The following JAK2 variants were observed in gnomAD, a reference collection of about 807,000 sequenced individuals.
JAK2 encodes tyrosine-protein kinase JAK2.
JAK2 carries 86 observed loss-of-function variants against 139.3 expected under a neutral mutation model. The ratio of observed to expected loss-of-function variants is 0.62; its 90% confidence interval spans 0.52 to 0.74. The LOEUF is 0.74. Among genes scored for constraint, JAK2 ranks in the 30% least tolerant of loss-of-function variants. The pLI is 0.00. For missense variants in JAK2, 1,421 were observed against 1,360.3 expected (o/e 1.04, Z -0.70); for synonymous variants, 490 against 437.7 (o/e 1.12, Z -1.49).
At chr9:4,990,146 G>A (rs1431885691) in intron 2 of JAK2, among the ~76,000 whole-genome samples, 2 of 152,136 alleles carry the variant, frequency 1.3e-5, no homozygotes, top group African/African-American at 4.8e-5. Flanking sequence ...GAGAATGGAG[G>A]GGAGAAGAGT....
rs1392154336 is a variant in JAK2 at position 5,054,299 on chromosome 9, A to T, written c.615-264A>T. 6.6e-6 allele frequency among the ~76,000 whole-genome samples: 1 copy of T among 152,074 alleles called. No homozygotes were observed. The highest frequency in any genetic ancestry group is 6.6e-5 in the Admixed American group (1 of 15,252). On this transcript the variant is annotated intron_variant, in intron 6 of 24. Coordinates refer to ENST00000381652, the MANE Select transcript of JAK2 (RefSeq NM_004972.4). This position sits in a 1 kb window ranked among gnomAD's most constrained non-coding sequence, Gnocchi z 4.9. ...TTCTTATTAACTAGACTGAGGATTC[A>T]TTTCATTAGGGGAAGAAGATTAACA...
intron 22 of JAK2, chr9:5,091,454 T>C (rs1043350841): frequency 1.3e-5 from 2 of 152,384 alleles, no homozygotes; most frequent in Admixed American, 6.5e-5. Context: ...TTTAATAGCA[T>C]AGGGAGTTGA....
intron 2 of JAK2, among the ~76,000 whole-genome samples, chr9:4,986,797 G>T (rs989593225): frequency 1.3e-5 from 2 of 152,098 alleles, no homozygotes; most frequent in African/African-American, 4.8e-5. Flanking sequence ...TATTCACACA[G>T]CCACTAAGTC....
At chr9:5,024,963 G>A (rs376675774) in intron 3 of JAK2, among the ~76,000 whole-genome samples, 1 of 152,170 alleles carries the variant, frequency 6.6e-6, no homozygotes, top group African/African-American at 2.4e-5. Context: ...GAGTGGAGCC[G>A]GGGCTGGTGG....
chr9:5,066,091 A>G (rs959397547), intron 9 of JAK2, among the ~76,000 whole-genome samples: 19 of 152,154 alleles, frequency 1.2e-4, no homozygotes, highest in African/African-American at 3.4e-4. Context: ...TTTGTATATT[A>G]GAAATATGGT....
intron 2 of JAK2, among the ~76,000 whole-genome samples, chr9:5,014,393 C>T (rs540986239): frequency 6.6e-6 from 1 of 152,266 alleles, no homozygotes; most frequent in East Asian, 1.9e-4. Flanking sequence ...ATTTATTCAA[C>T]AACTTTCATG....
chr9:5,069,124 C>A lies in JAK2; in HGVS notation c.1429C>A (p.Leu477Ile). ...TKKNFSSLKDLLNCYQMETVR... is the reference protein window; with the variant it reads ...TKKNFSSLKDILNCYQMETVR... ...GAAGAACTTCAGCAGTCTTAAAGAT[C>A]TTTTGAATTGTTACCAGATGGAAAC... is the stretch of plus-strand genomic sequence containing the variant. The change falls in exon 11 of 25, where the codon CTT becomes ATT. Residue 477 changes from leucine (L) to isoleucine (I), a missense_variant. Physicochemically the swap from Leu to Ile is conservative, Grantham distance 5 (BLOSUM62 2). Transcript: ENST00000381652. 6.2e-7 allele frequency: 1 copy of A among 1,612,936 alleles called. No individual in the cohort carries two copies. Among genetic ancestry groups the A allele is most frequent in the Non-Finnish European group, 8.5e-7 (1 of 1,179,216 alleles).
intron 19 of JAK2, among the ~76,000 whole-genome samples, chr9:5,087,341 T>C (rs1563990853): frequency 6.6e-6 from 1 of 152,170 alleles, no homozygotes. Flanking sequence ...ATGAGAACTA[T>C]CACGAGAACA....
intron 22 of JAK2, among the ~76,000 whole-genome samples, chr9:5,104,371 T>C (rs969462422): frequency 6.6e-6 from 1 of 152,158 alleles, no homozygotes; most frequent in Non-Finnish European, 1.5e-5. Flanking sequence ...CAGGAAGAAG[T>C]TGAATCTCTG....
intron 19 of JAK2, chr9:5,086,123 C>T (rs1394404730): frequency 2.2e-5 from 9 of 412,608 alleles, no homozygotes; most frequent in South Asian, 1.1e-4. Flanking sequence ...TCGGCAGCGG[C>T]GCGCGGCCCC....
At chr9:5,087,035 G>GA (rs1203125520) in intron 19 of JAK2, among the ~76,000 whole-genome samples, 1 of 151,886 alleles carries the variant, frequency 6.6e-6, no homozygotes, top group Non-Finnish European at 1.5e-5. Flanking sequence ...AACACTAAAA[G>GA]AAAAAAATCA....
intron 3 of JAK2, among the ~76,000 whole-genome samples, chr9:5,024,509 G>C (rs981882500): frequency 2.6e-5 from 4 of 152,022 alleles, no homozygotes; most frequent in African/African-American, 4.8e-5. Flanking sequence ...AGAACAGCTT[G>C]AGGTGAAAGC....
intron 2 of JAK2, among the ~76,000 whole-genome samples, chr9:5,015,068 C>G (rs192879467): frequency 6.6e-6 from 1 of 152,218 alleles, no homozygotes; most frequent in African/African-American, 2.4e-5. Flanking sequence ...GCTTTTGCAA[C>G]ATTGTATTTT....
chr9:5,072,424 G>C, intron 12 of JAK2, 68 bp from the exon 13 acceptor site: 2 of 1,186,556 alleles, frequency 1.7e-6, no homozygotes, highest in Non-Finnish European at 2.3e-6. Context: ...CTCATTGAAT[G>C]TATTTTCTTG....
At chr9:5,073,151 C>T (rs1030930931) in intron 13 of JAK2, among the ~76,000 whole-genome samples, 1 of 152,158 alleles carries the variant, frequency 6.6e-6, no homozygotes, top group Non-Finnish European at 1.5e-5. Context: ...GTGAAAAGTT[C>T]AAGCCAAAGA....
intron 4 of JAK2, among the ~76,000 whole-genome samples, chr9:5,034,018 T>C (rs1345298903): frequency 1.3e-5 from 2 of 151,936 alleles, no homozygotes; most frequent in Non-Finnish European, 2.9e-5. Flanking sequence ...GAGACACACA[T>C]AGGCTCAAAA....
intron 19 of JAK2, among the ~76,000 whole-genome samples, chr9:5,087,016 C>CT (rs1820170998): frequency 6.6e-6 from 1 of 152,070 alleles, no homozygotes; most frequent in Non-Finnish European, 1.5e-5. Flanking sequence ...ATTGTGCTTC[C>CT]ATCCCTCAAA....
At chr9:5,101,710 T>C (rs182810516) in intron 22 of JAK2, among the ~76,000 whole-genome samples, 58 of 152,342 alleles carry the variant, frequency 3.8e-4, no homozygotes, top group Admixed American at 1.4e-3. Flanking sequence ...TTGGCTGTTC[T>C]GCAATATTTG....
chr9:5,049,725 G>A (rs1333765168), intron 5 of JAK2, among the ~76,000 whole-genome samples: 5 of 152,084 alleles, frequency 3.3e-5, no homozygotes, highest in African/African-American at 7.2e-5. Flanking sequence ...GAAATATGTC[G>A]TTAGGCAATT....
Sources: allele counts gnomAD v4.1 joint callset (sites outside exome capture counted in the v4.1 genomes callset), GRCh38; gene constraint gnomAD v4.1.1; non-coding constraint Gnocchi (gnomAD v3.1); transcripts MANE v1.5; gene names NCBI Gene and HGNC (gene_info 2026-07-23, HGNC 2026-07-21).